The following EYS variants were observed in gnomAD, a reference collection of about 807,000 sequenced individuals.
The protein encoded by EYS is EGF-like photoreceptor maintenance factor.
A neutral mutation model predicts 282.1 loss-of-function variants in EYS; 250 were observed. The observed-to-expected ratio is 0.89, with a 90% CI of 0.80 to 0.98. The LOEUF is 0.98. EYS is among the 50% of genes least tolerant of loss of function. The probability of loss-of-function intolerance (pLI) is 0.00; values close to 1 mark genes in which losing one functional copy is unlikely to be tolerated. For synonymous variants in EYS, 1,355 were observed against 1,282.9 expected (o/e 1.06, Z -1.20); for missense variants, 4,016 against 3,709.0 (o/e 1.08, Z -2.15).
At chr6:65,497,117 T>C (rs12193142) in intron 2 of EYS, among the ~76,000 whole-genome samples, 28,347 of 152,036 alleles carry the variant, frequency 0.19, 3,273 homozygotes, top group Middle Eastern at 0.3. Flanking sequence ...TTTATAGATT[T>C]AAATTATCAA....
chr6:65,331,630 A>T, intron 11 of EYS: 1 of 981,364 alleles, frequency 1.0e-6, no homozygotes, highest in Non-Finnish European at 1.2e-6. Context: ...ATGGCAAACA[A>T]AAGAGAATCA....
rs185661771 is a variant in EYS, at chr6:64,319,333, A to G, written c.6079-12251T>C. 2.0e-3 allele frequency among the ~76,000 whole-genome samples: 311 copies of G among 151,958 alleles called. 3 individuals carry two copies. The highest frequency in any genetic ancestry group is 7.2e-3 in the African/African-American group (298 of 41,532). Reference sequence around the variant, plus strand: ...TACCTATCTTACTAATAATTAGGTAAAAGTTTTAGAAATGTAAAAAAAATG... The same window carrying G: ...TACCTATCTTACTAATAATTAGGTAGAAGTTTTAGAAATGTAAAAAAAATG... On this transcript the variant is annotated intron_variant, in intron 29 of 42. Coordinates refer to ENST00000503581, the MANE Select transcript of EYS (RefSeq NM_001142800.2).
chr6:64,997,174 T>C (rs1422978348), intron 14 of EYS, among the ~76,000 whole-genome samples: 5 of 152,102 alleles, frequency 3.3e-5, no homozygotes, highest in Admixed American at 3.3e-4. Context: ...TAATATGAGA[T>C]GGAGGTCAGA....
In EYS at chr6:64,692,977, C is replaced by CTTTTTTTTTTTTTTTTTTTTT; in HGVS notation, c.3444-66753_3444-66733dup. 7.0e-4 allele frequency among the ~76,000 whole-genome samples: 8 copies of CTTTTTTTTTTTTTTTTTTTTT among 11,500 alleles called. 3 individuals carry two copies. Among genetic ancestry groups the CTTTTTTTTTTTTTTTTTTTTT allele is most frequent in the Admixed American group, 1.9e-3 (1 of 536 alleles). The allele number at this position is 11,500 out of a possible 152,430, so 7.5% of individuals were successfully genotyped here. The stretch of plus-strand genomic sequence containing the variant: ...CTTGGGATTGGTTTGGCTGCTTGGG[C>CTTTTTTTTTTTTTTTTTTTTT]TTTTTTTTTTTTTTTTTTTTTTGGT... On this transcript the variant is annotated intron_variant, in intron 22 of 42. Transcript: ENST00000503581.
intron 12 of EYS, among the ~76,000 whole-genome samples, chr6:65,227,776 A>G (rs902204840): frequency 5.3e-5 from 8 of 152,184 alleles, no homozygotes; most frequent in Non-Finnish European, 1.0e-4. Context: ...TACAGCATAA[A>G]TGAACTTAGA....
At chr6:65,062,823 C>T (rs531535892) in intron 12 of EYS, among the ~76,000 whole-genome samples, 22 of 152,050 alleles carry the variant, frequency 1.4e-4, no homozygotes, top group Middle Eastern at 3.4e-3. Context: ...CCAGTAACTC[C>T]TCTCACATCA....
At chr6:64,877,997 C>T (rs981156517) in intron 19 of EYS, among the ~76,000 whole-genome samples, 66 of 152,252 alleles carry the variant, frequency 4.3e-4, no homozygotes, top group African/African-American at 1.5e-3. Context: ...CTTTGATAGG[C>T]TGAGGCAGGC....
chr6:65,593,654 A>G (rs1765307051), intron 2 of EYS, among the ~76,000 whole-genome samples: 1 of 151,886 alleles, frequency 6.6e-6, no homozygotes, highest in Non-Finnish European at 1.5e-5. Context: ...CTTAAAATTC[A>G]ATTTTTCTAC....
At chr6:65,415,729 A>G (rs982202228) in intron 5 of EYS, among the ~76,000 whole-genome samples, 6 of 152,126 alleles carry the variant, frequency 3.9e-5, no homozygotes, top group Admixed American at 2.6e-4. Context: ...TTACTAAAAT[A>G]TGAAGCAAAG....
chr6:63,937,530 G>A lies in EYS; in HGVS notation c.7055+46853C>T, dbSNP rs1333387212. On this transcript the variant is annotated intron_variant, in intron 35 of 42. Coordinates refer to ENST00000503581, the MANE Select transcript of EYS (RefSeq NM_001142800.2). ...CGAGTAGCTGGGACTACAGGCGCCCGCCACCACGACCGGTTAATTTTTTTG... is the reference window on the plus strand; with the variant it reads ...CGAGTAGCTGGGACTACAGGCGCCCACCACCACGACCGGTTAATTTTTTTG... 4.0e-5 allele frequency among the ~76,000 whole-genome samples: 6 copies of A among 150,668 alleles called. No homozygotes were observed. In the East Asian group the frequency reaches 5.8e-4, roughly 15 times the overall value.
intron 12 of EYS, among the ~76,000 whole-genome samples, chr6:65,181,483 A>C (rs1334404871): frequency 6.6e-6 from 1 of 152,182 alleles, no homozygotes; most frequent in Non-Finnish European, 1.5e-5. Flanking sequence ...GCCATCAGGG[A>C]AATGCAAATC....
At chr6:65,377,957 C>A (rs1765442626) in intron 8 of EYS, among the ~76,000 whole-genome samples, 1 of 152,114 alleles carries the variant, frequency 6.6e-6, no homozygotes, top group African/African-American at 2.4e-5. Flanking sequence ...GAATTCACAG[C>A]TGAATTCTAC....
chr6:64,187,751 G>T (rs1477578114), intron 31 of EYS, among the ~76,000 whole-genome samples: 2 of 152,000 alleles, frequency 1.3e-5, no homozygotes, highest in Admixed American at 6.6e-5. Context: ...CTGCATATGT[G>T]AAATAACTCT....
chr6:64,241,076 C>T (rs927381728), intron 30 of EYS, among the ~76,000 whole-genome samples: 1 of 152,004 alleles, frequency 6.6e-6, no homozygotes, highest in African/African-American at 2.4e-5. Context: ...ATTTGAACCA[C>T]CCTTGCATCC....
At chr6:65,219,592 A>T (rs1766407966) in intron 12 of EYS, among the ~76,000 whole-genome samples, 1 of 152,150 alleles carries the variant, frequency 6.6e-6, no homozygotes, top group Admixed American at 6.6e-5. Context: ...GTGAAGCACT[A>T]GACAAATCTT....
At chr6:64,468,368 T>G (rs948483090) in intron 26 of EYS, among the ~76,000 whole-genome samples, 3 of 152,238 alleles carry the variant, frequency 2.0e-5, no homozygotes, top group African/African-American at 7.2e-5. Flanking sequence ...GGGAAATGTC[T>G]TTCCTTATGA....
At chr6:64,749,078 C>G (rs539837209) in intron 22 of EYS, among the ~76,000 whole-genome samples, 1 of 152,170 alleles carries the variant, frequency 6.6e-6, no homozygotes, top group Non-Finnish European at 1.5e-5. Flanking sequence ...TGGCCTAATG[C>G]CACATATTTA....
At chr6:65,510,772 A>C (rs978613693) in intron 2 of EYS, among the ~76,000 whole-genome samples, 1 of 152,228 alleles carries the variant, frequency 6.6e-6, no homozygotes, top group Non-Finnish European at 1.5e-5. Context: ...TATCAAAATA[A>C]GGCATGTATG....
At position 65,415,751 on chromosome 6, in the gene EYS, G is replaced by A. The variant is rs555932304; in HGVS notation, c.863-10384C>T. The stretch of plus-strand genomic sequence containing the variant: ...AATATGAAGCAAAGACAAAAATGAA[G>A]TCTAATGAAAGGGGTGGAAGTTTGA... On this transcript the variant is annotated intron_variant, in intron 5 of 42. Transcript: ENST00000503581. Among the ~76,000 whole-genome samples, 7 of 152,130 alleles carry A rather than the reference G, an allele frequency of 4.6e-5. No individual in the cohort carries two copies. The East Asian group carries it at 1.2e-3, about 25-fold the overall frequency.
Sources: allele counts gnomAD v4.1 joint callset (sites outside exome capture counted in the v4.1 genomes callset), GRCh38; gene constraint gnomAD v4.1.1; transcripts MANE v1.5; gene names NCBI Gene and HGNC (gene_info 2026-07-23, HGNC 2026-07-21).